Variants in HIVEP2 observed in about 807,000 individuals in gnomAD.
HIVEP2 encodes the protein HIVEP zinc finger 2.
Under a neutral mutation model 180.7 loss-of-function variants are expected in HIVEP2, and 14 were observed. That is an observed-to-expected ratio of 0.08 (90% CI 0.05 to 0.12). HIVEP2 has a LOEUF of 0.12. HIVEP2 is among the 10% of genes least tolerant of loss of function. The pLI, the probability that HIVEP2 is intolerant of heterozygous loss-of-function variation, is 1.00. For missense variants in HIVEP2, 2,579 were observed against 3,008.5 expected (o/e 0.86, Z 3.34); for synonymous variants, 1,184 against 1,136.4 (o/e 1.04, Z -0.84).
chr6:142,795,882 A>G (rs1167590789), intron 2 of HIVEP2, among the ~76,000 whole-genome samples: 2 of 152,122 alleles, frequency 1.3e-5, no homozygotes, highest in African/African-American at 4.8e-5. Context: ...TTGGCGGTAC[A>G]TGGACATAGG....
At chr6:142,791,783 T>C (rs1486552982) in intron 2 of HIVEP2, among the ~76,000 whole-genome samples, 1 of 152,108 alleles carries the variant, frequency 6.6e-6, no homozygotes, top group African/African-American at 2.4e-5. Flanking sequence ...AAGTAAGAAT[T>C]AAAAATAGTG....
At chr6:142,885,616 T>C (rs1474834516) in intron 1 of HIVEP2, among the ~76,000 whole-genome samples, 1 of 152,102 alleles carries the variant, frequency 6.6e-6, no homozygotes, top group African/African-American at 2.4e-5. Context: ...GGCATAAAAA[T>C]AGTTACAGGG....
chr6:142,893,751 T>C (rs1170371364), intron 1 of HIVEP2, among the ~76,000 whole-genome samples: 8 of 152,214 alleles, frequency 5.3e-5, no homozygotes, highest in Non-Finnish European at 1.0e-4. Context: ...GTGTAACCTC[T>C]TAACCTGTTT....
At chr6:142,810,753 C>A (rs1490824897) in intron 2 of HIVEP2, among the ~76,000 whole-genome samples, 2 of 111,800 alleles carry the variant, frequency 1.8e-5, no homozygotes, top group Non-Finnish European at 1.9e-5. Flanking sequence ...CAGAGTAAGA[C>A]TCTGTCTCAA....
chr6:142,869,044 T>G (rs1162745447), intron 1 of HIVEP2, among the ~76,000 whole-genome samples: 1 of 152,182 alleles, frequency 6.6e-6, no homozygotes, highest in Non-Finnish European at 1.5e-5. Flanking sequence ...CCCTAGGGGA[T>G]ATTTGGCAAT....
At chr6:142,795,519 T>C (rs902363028) in intron 2 of HIVEP2, among the ~76,000 whole-genome samples, 1 of 152,232 alleles carries the variant, frequency 6.6e-6, no homozygotes, top group Non-Finnish European at 1.5e-5. Flanking sequence ...TCAGACTTGC[T>C]CTGGTTTCAC....
chr6:142,902,521 A>G (rs12191469), intron 1 of HIVEP2, among the ~76,000 whole-genome samples: 31,876 of 152,204 alleles, frequency 0.21, 3,691 homozygotes, highest in Middle Eastern at 0.27. Context: ...ACAGTTAACA[A>G]CCACTCAAAT....
At chr6:142,856,216 G>A (rs549735686) in intron 1 of HIVEP2, among the ~76,000 whole-genome samples, 15 of 145,500 alleles carry the variant, frequency 1.0e-4, no homozygotes, top group Non-Finnish European at 1.7e-4. Context: ...AAAAAAAAAA[G>A]AAAAGGAGAA....
At chr6:142,882,643 G>A (rs1776601658) in intron 1 of HIVEP2, among the ~76,000 whole-genome samples, 2 of 145,822 alleles carry the variant, frequency 1.4e-5, no homozygotes, top group South Asian at 4.8e-4. Context: ...GAGGGGAGGG[G>A]AGGGAAAAGA....
chr6:142,789,634 A>G (rs1316059619), intron 2 of HIVEP2, among the ~76,000 whole-genome samples: 1 of 152,244 alleles, frequency 6.6e-6, no homozygotes, highest in Non-Finnish European at 1.5e-5. Context: ...ACAGCTCATT[A>G]TGATAGTTCT....
At chr6:142,810,761 CA>C (rs60893476) in intron 2 of HIVEP2, among the ~76,000 whole-genome samples, 28,437 of 100,540 alleles carry the variant, frequency 0.28, 2,163 homozygotes, top group Middle Eastern at 0.44. Flanking sequence ...GACTCTGTCT[CA>C]AAAAAAAAAA....
chr6:142,867,175 A>C (rs2128409510), intron 1 of HIVEP2, among the ~76,000 whole-genome samples: 2 of 152,316 alleles, frequency 1.3e-5, no homozygotes, highest in Admixed American at 1.3e-4. Context: ...TCAGAAAACA[A>C]GGATTTTACT....
At chr6:142,830,161 A>C (rs950630553) in intron 2 of HIVEP2, among the ~76,000 whole-genome samples, 1 of 152,222 alleles carries the variant, frequency 6.6e-6, no homozygotes, top group Non-Finnish European at 1.5e-5. Flanking sequence ...CAATTGAAAA[A>C]GTAACTTTAG....
intron 1 of HIVEP2, among the ~76,000 whole-genome samples, chr6:142,870,434 T>G (rs1449459625): frequency 6.6e-6 from 1 of 152,162 alleles, no homozygotes; most frequent in African/African-American, 2.4e-5. Context: ...ATGAATTTGT[T>G]TTTTGCGGAA....
intron 3 of HIVEP2, among the ~76,000 whole-genome samples, chr6:142,782,791 C>T (rs932650991): frequency 1.3e-5 from 2 of 152,160 alleles, no homozygotes; most frequent in South Asian, 4.1e-4. Flanking sequence ...GGCATCATTG[C>T]ATATATTTGT....
intron 2 of HIVEP2, among the ~76,000 whole-genome samples, chr6:142,786,850 A>C (rs1023418393): frequency 1.3e-5 from 2 of 152,162 alleles, no homozygotes; most frequent in African/African-American, 4.8e-5. Context: ...CATTGGCAGA[A>C]CTCTCAAGTA....
intron 2 of HIVEP2, among the ~76,000 whole-genome samples, chr6:142,806,780 G>C (rs568037348): frequency 6.6e-6 from 1 of 152,136 alleles, no homozygotes; most frequent in South Asian, 2.1e-4. Context: ...TCAGCTTTTT[G>C]CATATACATT....
At chr6:142,810,768 A>G (rs1011821287) in intron 2 of HIVEP2, among the ~76,000 whole-genome samples, 16 of 151,564 alleles carry the variant, frequency 1.1e-4, no homozygotes, top group African/African-American at 3.1e-4. Context: ...TCTCAAAAAA[A>G]AAAAAAAAAA....
chr6:142,830,051 C>G (rs1339188861), intron 2 of HIVEP2, among the ~76,000 whole-genome samples: 1 of 152,134 alleles, frequency 6.6e-6, no homozygotes, highest in African/African-American at 2.4e-5. Context: ...TTCAAAAACT[C>G]CTCAGTGGAT....
Sources: gnomAD v4.1 joint callset for allele counts (sites outside exome capture counted in the v4.1 genomes callset) on GRCh38, gnomAD v4.1.1 for gene constraint, MANE v1.5 for transcripts, NCBI Gene and HGNC (gene_info 2026-07-23, HGNC 2026-07-21) for gene names.